Variants in NEDD1 observed in about 807,000 individuals in gnomAD.
The protein encoded by NEDD1 is NEDD1 gamma-tubulin ring complex targeting factor.
NEDD1 carries 33 observed loss-of-function variants against 74.0 expected under a neutral mutation model. The ratio of observed to expected loss-of-function variants is 0.45; its 90% CI spans 0.34 to 0.60. The LOEUF (loss-of-function observed/expected upper bound fraction) is 0.60. Ranked by LOEUF, NEDD1 falls within the 20% of genes least tolerant of loss-of-function variation. The probability of loss-of-function intolerance (pLI) is 0.01; values close to 1 mark genes in which losing one functional copy is unlikely to be tolerated. For missense variants in NEDD1, 746 were observed against 776.5 expected, an observed-to-expected ratio of 0.96 and a Z score of 0.47; for synonymous variants, 250 against 264.4, an observed-to-expected ratio of 0.95 and a Z score of 0.53.
In NEDD1 at chr12:96,943,672, A is replaced by G; in HGVS notation, c.1407A>G (p.Pro469=). ...SSPLNVFMGS[P]GKEENENRDL... ...CTCTTAATGTTTTTATGGGATCTCC[A>G]GGGAAAGAGGAAAATGAAAACCGTG... The change falls in exon 12 of 16, where the codon CCA becomes CCG. Residue 469 remains proline, a synonymous_variant. Transcript: ENST00000266742. 6.2e-7 allele frequency: 1 copy of G among 1,611,948 alleles called. No individual in the cohort carries two copies. The highest frequency in any genetic ancestry group is 8.5e-7 in the Non-Finnish European group (1 of 1,178,168).
At chr12:96,944,005 C>T (rs1335527505) in intron 12 of NEDD1, among the ~76,000 whole-genome samples, 1 of 151,998 alleles carries the variant, frequency 6.6e-6, no homozygotes, top group African/African-American at 2.4e-5. Context: ...ATAAAGTGTG[C>T]AAGAACAGTT....
At chr12:96,928,448 T>A (rs772735431) in intron 6 of NEDD1, among the ~76,000 whole-genome samples, 15 of 152,194 alleles carry the variant, frequency 9.9e-5, no homozygotes, top group Non-Finnish European at 2.1e-4. Context: ...TCTTTCAATG[T>A]AATTTAGTAG....
chr12:96,920,775 AT>A (rs1707038901), intron 6 of NEDD1, among the ~76,000 whole-genome samples: 2 of 152,238 alleles, frequency 1.3e-5, no homozygotes, highest in South Asian at 4.1e-4. Context: ...AGTTCTTTCA[AT>A]TTTTACTTAA....
intron 6 of NEDD1, among the ~76,000 whole-genome samples, chr12:96,923,544 G>A (rs576107469): frequency 2.0e-5 from 3 of 152,272 alleles, no homozygotes; most frequent in South Asian, 4.1e-4. Context: ...TGATGGTTAT[G>A]TAGTGCTGTC....
rs202220504 is a variant in NEDD1 at position 96,937,278 on chromosome 12, A to G, written c.1002A>G (p.Gly334=). ...TTAATGTGAATGCTGCTAGTGGAGG[A>G]GTTCAGAATTCCGGAATTGTCAGAG... is the stretch of plus-strand genomic sequence containing the variant. ...RSVNVNAASG[G]VQNSGIVREA... is the part of the protein sequence containing the mutation. The change falls in exon 9 of 16, where the codon GGA becomes GGG. Residue 334 remains glycine (G), a synonymous_variant. Coordinates refer to ENST00000266742, the MANE Select transcript of NEDD1 (RefSeq NM_152905.4). 7.4e-6 allele frequency: 12 copies of G among 1,612,510 alleles called. 1 individual carries two copies. The South Asian group carries it at 1.2e-4, about 16-fold the overall frequency.
chr12:96,920,571 A>G (rs7963782), intron 6 of NEDD1, among the ~76,000 whole-genome samples: 74,334 of 151,866 alleles, frequency 0.49, 18,503 homozygotes, highest in African/African-American at 0.55. Context: ...GTTTTTGTAG[A>G]TATATGATAA....
At chr12:96,951,825 A>G (rs1024838884) in intron 15 of NEDD1, 124 bp from the exon 16 acceptor site, 2 of 617,126 alleles carry the variant, frequency 3.2e-6, no homozygotes, top group Non-Finnish European at 5.7e-6. Context: ...TGTTAAGTAC[A>G]AGAAATATCA....
intron 2 of NEDD1, among the ~76,000 whole-genome samples, chr12:96,908,248 G>T (rs755642905): frequency 1.3e-5 from 2 of 152,176 alleles, no homozygotes; most frequent in Non-Finnish European, 2.9e-5. Context: ...GCACATGAGT[G>T]AATTACATTA....
chr12:96,932,489 A>ATATATATATATATATATATATATATAT (rs1201702643), intron 6 of NEDD1, among the ~76,000 whole-genome samples: 1 of 58,510 alleles, frequency 1.7e-5, no homozygotes, highest in Admixed American at 2.4e-4. Context: ...TATATATATA[A>ATATATATATATATATATATATATATAT]AATGCACACA....
rs1046556057 is a variant in NEDD1 at position 96,953,222 on chromosome 12, A to G, written c.*1169A>G. 1 of 151,050 alleles carries G rather than the reference A, an allele frequency of 6.6e-6. No homozygotes were observed. Among genetic ancestry groups the G allele is most frequent in the Non-Finnish European group, 1.5e-5 (1 of 67,522 alleles). 9.4% of individuals were successfully genotyped at this position (151,050 alleles called of 1,614,324 possible). ...ATTTACTAAAATTAAAAAAAAAAAA[A>G]CAAAAAACAAACCTTTAGCTCACTA... On this transcript the variant is annotated 3_prime_UTR_variant, in exon 16 of 16. Coordinates refer to ENST00000266742, the MANE Select transcript of NEDD1 (RefSeq NM_152905.4).
chr12:96,935,276 AT>A, intron 7 of NEDD1, 71 bp downstream of exon 7: 1 of 903,498 alleles, frequency 1.1e-6, no homozygotes. Flanking sequence ...CATATTTGTG[AT>A]TTATATAGAC....
At chr12:96,925,148 G>A (rs1176509452) in intron 6 of NEDD1, among the ~76,000 whole-genome samples, 2 of 151,958 alleles carry the variant, frequency 1.3e-5, no homozygotes, top group Non-Finnish European at 2.9e-5. Flanking sequence ...AGTTCCAAGG[G>A]AACCTAAAGG....
chr12:96,909,595 T>C (rs546668287), intron 2 of NEDD1, among the ~76,000 whole-genome samples, 157 bp from the exon 3 acceptor site: 1 of 152,356 alleles, frequency 6.6e-6, no homozygotes, highest in East Asian at 1.9e-4. Flanking sequence ...ACCTGGCTTA[T>C]GTTTTAGGAA....
intron 6 of NEDD1, among the ~76,000 whole-genome samples, chr12:96,929,600 C>CAT (rs1490713766): frequency 3.6e-5 from 2 of 55,130 alleles, no homozygotes; most frequent in Non-Finnish European, 6.6e-5. Flanking sequence ...CACACACACA[C>CAT]ATATGTGTAT....
In NEDD1 at chr12:96,931,355, A is replaced by G. The variant is rs151207457; in HGVS notation, c.490-3621A>G. ...AAATTTAAAACTTCTGACAAAAAGC[A>G]AGGCAAAAATTCACAAAATTTAAAT... is the stretch of plus-strand genomic sequence containing the variant. On this transcript the variant is annotated intron_variant, in intron 6 of 15. Coordinates refer to ENST00000266742, the MANE Select transcript of NEDD1 (RefSeq NM_152905.4). Among the ~76,000 whole-genome samples, 791 of 152,322 alleles carry G rather than the reference A, an allele frequency of 5.2e-3. 12 individuals carry two copies. The highest frequency in any genetic ancestry group is 0.018 in the African/African-American group (741 of 41,576).
In NEDD1 at chr12:96,940,409, G is replaced by T; in HGVS notation, c.1118G>T (p.Gly373Val). 6.4e-7 allele frequency: 1 copy of T among 1,573,616 alleles called. No individual in the cohort carries two copies. ...GATTTTTATATCTAATTCCTATAAG[G>T]TTTGCCTCGAAGCATAAACACAGAC... ...KGTVAVQEKA[G>V]LPRSINTDTL... Residue 373 changes from glycine (G) to valine (V), a missense_variant and splice_region_variant, in exon 10 of 16, where the codon GGT becomes GTT. This residue lies in a region of NEDD1 where 706 missense variants were observed against 706.7 expected (regional missense o/e 1.00). Transcript: ENST00000266742.
intron 2 of NEDD1, among the ~76,000 whole-genome samples, chr12:96,908,386 GCTGTGCAGTAGT>G (rs1228022674): frequency 3.3e-5 from 5 of 152,170 alleles, no homozygotes; most frequent in Non-Finnish European, 7.3e-5. Flanking sequence ...CATCACTAAT[GCTGTGCAGTAGT>G]CTTGCACTTT....
At chr12:96,934,162 T>C (rs1331035127) in intron 6 of NEDD1, among the ~76,000 whole-genome samples, 2 of 152,162 alleles carry the variant, frequency 1.3e-5, no homozygotes, top group African/African-American at 4.8e-5. Context: ...CAAACAAATG[T>C]ATCAAAATAT....
chr12:96,921,901 C>T (rs1421918231), intron 6 of NEDD1, among the ~76,000 whole-genome samples: 1 of 152,020 alleles, frequency 6.6e-6, no homozygotes, highest in Non-Finnish European at 1.5e-5. Flanking sequence ...CAGGCATGAG[C>T]CACCACACCC....
Sources: allele counts gnomAD v4.1 joint callset (sites outside exome capture counted in the v4.1 genomes callset), GRCh38; gene constraint gnomAD v4.1.1; regional missense constraint gnomAD v4.1.1; transcripts MANE v1.5; gene names NCBI Gene and HGNC (gene_info 2026-07-23, HGNC 2026-07-21).